The following MYO3B variants were observed in gnomAD, a reference collection of about 807,000 sequenced individuals.
MYO3B encodes myosin IIIB.
In MYO3B, 156 loss-of-function variants were observed where a neutral mutation model predicts 174.6. That is an observed-to-expected ratio of 0.89 (90% CI 0.78 to 1.02). The LOEUF is 1.02. Among genes scored for constraint, MYO3B ranks in the 50% least tolerant of loss-of-function variants. MYO3B has a pLI of 0.00. For synonymous variants in MYO3B, 563 were observed against 569.1 expected (o/e 0.99, Z 0.15); for missense variants, 1,632 against 1,639.4 (o/e 1.00, Z 0.08).
chr2:170,592,966 A>G (rs1286466953), intron 32 of MYO3B, among the ~76,000 whole-genome samples: 1 of 152,126 alleles, frequency 6.6e-6, no homozygotes, highest in African/African-American at 2.4e-5. Context: ...ATATCTATAG[A>G]TAGAGATTAT....
intron 6 of MYO3B, among the ~76,000 whole-genome samples, chr2:170,218,132 A>G (rs1398962718): frequency 6.6e-6 from 1 of 152,142 alleles, no homozygotes; most frequent in Non-Finnish European, 1.5e-5. Flanking sequence ...GCATGATGGT[A>G]TTTCCTCTGT....
chr2:170,387,362 CTT>C, intron 14 of MYO3B, 54 bp downstream of exon 14: 2 of 1,536,358 alleles, frequency 1.3e-6, no homozygotes, highest in Non-Finnish European at 1.8e-6. Flanking sequence ...AACTGGGAGA[CTT>C]TGGAAATTTT....
intron 23 of MYO3B, among the ~76,000 whole-genome samples, chr2:170,448,099 T>C (rs1683352101): frequency 6.6e-6 from 1 of 152,202 alleles, no homozygotes; most frequent in African/African-American, 2.4e-5. Context: ...TATACCATAA[T>C]TTCTAATCTT....
intron 29 of MYO3B, among the ~76,000 whole-genome samples, chr2:170,516,037 CT>C (rs879644538): frequency 6.6e-4 from 100 of 152,146 alleles, no homozygotes; most frequent in African/African-American, 2.2e-3. Flanking sequence ...CTGTTTCCCC[CT>C]AGAAGTCACA....
At chr2:170,550,467 A>C (rs1433449694) in intron 32 of MYO3B, among the ~76,000 whole-genome samples, 3 of 152,192 alleles carry the variant, frequency 2.0e-5, no homozygotes, top group African/African-American at 7.2e-5. Flanking sequence ...CCAGAGGATA[A>C]GATGCTGCTG....
At chr2:170,420,417 T>C (rs927342333) in intron 22 of MYO3B, among the ~76,000 whole-genome samples, 3 of 152,062 alleles carry the variant, frequency 2.0e-5, no homozygotes, top group Non-Finnish European at 2.9e-5. Context: ...TGTCTCAGTA[T>C]GCTGATTTCA....
chr2:170,636,549 C>A (rs1291865192), intron 32 of MYO3B, among the ~76,000 whole-genome samples: 1 of 151,924 alleles, frequency 6.6e-6, no homozygotes, highest in African/African-American at 2.4e-5. Context: ...GCTTCTCAAC[C>A]CATTTAACCC....
chr2:170,650,688 T>C lies in MYO3B; in HGVS notation c.3734-940T>C, dbSNP rs1367383673. 2.2e-5 allele frequency among the ~76,000 whole-genome samples: 3 copies of C among 137,854 alleles called. No individual in the cohort carries two copies. The Admixed American group carries it at 2.2e-4, about 10-fold the overall frequency. The allele number at this position is 137,854 out of a possible 152,430, so 90.4% of individuals were successfully genotyped here. ...GAATTATGACTTTTTTTTTTTTTTT[T>C]TTTTTTTTTTTTTGAGATGGAGTCT... On this transcript the variant is annotated intron_variant, in intron 32 of 34. Transcript: ENST00000408978.
rs1361183194 is a variant in MYO3B at position 170,499,959 on chromosome 2, CTTCCTTCCTTCT to C, written c.3289+163_3289+174del. Reference sequence around the variant, plus strand: ...CCTTCCTTCCTTCCTTCTTTCCTTCCTTCCTTCCTTCTTTCCTTCCTTCCTTTAGCAAATGTG... The same window carrying C: ...CCTTCCTTCCTTCCTTCTTTCCTTCCTTCCTTCCTTCCTTTAGCAAATGTG... On this transcript the variant is annotated intron_variant, in intron 27 of 34. Coordinates refer to ENST00000408978, the MANE Select transcript of MYO3B (RefSeq NM_138995.5). The C allele has an allele frequency of 3.7e-5, 24 of 657,382 alleles. No homozygotes were observed. In the Admixed American group the frequency reaches 6.7e-4, roughly 18 times the overall value. 40.7% of individuals were successfully genotyped at this position (657,382 alleles called of 1,614,324 possible). A position where few individuals can be genotyped will look rare whatever the true frequency, so the allele number is the denominator to read the frequency against.
intron 3 of MYO3B, among the ~76,000 whole-genome samples, chr2:170,203,024 A>C (rs2092678551): frequency 6.6e-6 from 1 of 152,198 alleles, no homozygotes; most frequent in Non-Finnish European, 1.5e-5. Flanking sequence ...AAAGCAAACA[A>C]AAGCTCTCTT....
chr2:170,633,084 C>A (rs2105394668), intron 32 of MYO3B, among the ~76,000 whole-genome samples: 1 of 152,216 alleles, frequency 6.6e-6, no homozygotes, highest in East Asian at 1.9e-4. Context: ...CTATTCCAAT[C>A]AATAGAAAAA....
intron 7 of MYO3B, among the ~76,000 whole-genome samples, chr2:170,262,886 G>A (rs749630904): frequency 2.6e-5 from 4 of 152,124 alleles, no homozygotes; most frequent in African/African-American, 7.2e-5. Flanking sequence ...TGTATCTGTC[G>A]TAGCACCTAG....
rs2094460256 is a variant in MYO3B, at chr2:170,399,270, A to AAAAAAAAAAT, written c.1792-918_1792-917insAAAAAAAAAT. ...AAAAAAAAAAAAAAAAAAAAAAGAG[A>AAAAAAAAAAT]GAGACCAGTCTGGCCAACAGGGCAA... On this transcript the variant is annotated intron_variant, in intron 16 of 34. Coordinates refer to ENST00000408978, the MANE Select transcript of MYO3B (RefSeq NM_138995.5). Among the ~76,000 whole-genome samples the AAAAAAAAAAT allele has an allele frequency of 3.9e-5, 2 of 50,948 alleles. 1 individual carries two copies. Among genetic ancestry groups the AAAAAAAAAAT allele is most frequent in the Non-Finnish European group, 1.0e-4 (2 of 19,774 alleles). 33.4% of individuals were successfully genotyped at this position (50,948 alleles called of 152,430 possible).
intron 19 of MYO3B, 29 bp from the exon 20 acceptor site, chr2:170,404,218 G>A (rs777395947): frequency 6.4e-7 from 1 of 1,574,226 alleles, no homozygotes; most frequent in Admixed American, 1.8e-5. Flanking sequence ...GTTTTGGGCT[G>A]GAGAGAATCA....
At chr2:170,573,733 T>A (rs1292315694) in intron 32 of MYO3B, among the ~76,000 whole-genome samples, 1 of 152,184 alleles carries the variant, frequency 6.6e-6, no homozygotes, top group Non-Finnish European at 1.5e-5. Flanking sequence ...TATATTTGAT[T>A]TTTTTAAGAA....
At chr2:170,539,344 T>G (rs1482314700) in intron 30 of MYO3B, among the ~76,000 whole-genome samples, 3 of 152,220 alleles carry the variant, frequency 2.0e-5, no homozygotes, top group African/African-American at 7.2e-5. Flanking sequence ...TTACATGTTT[T>G]TGACCAAAAG....
chr2:170,179,017 G>C (rs2092365492), intron 1 of MYO3B, among the ~76,000 whole-genome samples: 1 of 152,100 alleles, frequency 6.6e-6, no homozygotes, highest in South Asian at 2.1e-4. Context: ...ATGGAACTTA[G>C]AGATCAACCT....
At chr2:170,650,539 T>G (rs1230796266) in intron 32 of MYO3B, among the ~76,000 whole-genome samples, 1 of 152,056 alleles carries the variant, frequency 6.6e-6, no homozygotes, top group East Asian at 1.9e-4. Flanking sequence ...ATGGACAATA[T>G]TCTATGACAG....
Position 170,634,347 on chromosome 2 carries a change from A to C in MYO3B, c.3734-17281A>C, listed in dbSNP as rs573206640. On this transcript the variant is annotated intron_variant, in intron 32 of 34. Transcript: ENST00000408978. ...CAACCATCTGATCTTTGATAAACCT[A>C]ACAAAAAACAAGCAATGGGGAAAGG... 7.2e-5 allele frequency among the ~76,000 whole-genome samples: 11 copies of C among 152,228 alleles called. No individual in the cohort carries two copies. The East Asian group carries it at 1.9e-3, about 27-fold the overall frequency.
Sources: gnomAD v4.1 joint callset for allele counts (sites outside exome capture counted in the v4.1 genomes callset) on GRCh38, gnomAD v4.1.1 for gene constraint, MANE v1.5 for transcripts, NCBI Gene and HGNC (gene_info 2026-07-23, HGNC 2026-07-21) for gene names.